Variants in UTRN observed in about 807,000 individuals in gnomAD.
UTRN encodes the protein dystrophin-related protein 1.
A neutral mutation model predicts 463.9 loss-of-function variants in UTRN; 283 were observed. The observed-to-expected ratio is 0.61, with a 90% CI of 0.55 to 0.67. The LOEUF is 0.67. Among genes scored for constraint, UTRN ranks in the 30% least tolerant of loss-of-function variants. The pLI is 0.00. For synonymous variants in UTRN, 1,442 were observed against 1,431.5 expected, an observed-to-expected ratio of 1.01 and a Z score of -0.17; for missense variants, 3,922 against 4,084.3, an observed-to-expected ratio of 0.96 and a Z score of 1.08.
At chr6:144,748,823 T>C (rs1419800098) in intron 55 of UTRN, among the ~76,000 whole-genome samples, 1 of 152,234 alleles carries the variant, frequency 6.6e-6, no homozygotes, top group Non-Finnish European at 1.5e-5. Flanking sequence ...AAAATATTTT[T>C]AATCCCCAGA....
chr6:144,492,763 C>T (rs1043476451), intron 32 of UTRN, among the ~76,000 whole-genome samples: 3 of 152,092 alleles, frequency 2.0e-5, no homozygotes, highest in Admixed American at 6.6e-5. Flanking sequence ...CATCAGAAAT[C>T]TGTTTACTTA....
At chr6:144,421,129 C>T (rs1784798657) in intron 3 of UTRN, among the ~76,000 whole-genome samples, 1 of 152,100 alleles carries the variant, frequency 6.6e-6, no homozygotes. Flanking sequence ...GCCTCAGCCT[C>T]CCGAGTAGTT....
chr6:144,516,490 T>G, intron 38 of UTRN, 103 bp downstream of exon 38: 1 of 1,291,358 alleles, frequency 7.7e-7, no homozygotes, highest in Admixed American at 2.3e-5. Flanking sequence ...TCAAACATGA[T>G]GAAACAGATT....
chr6:144,516,506 G>T, intron 38 of UTRN, 119 bp downstream of exon 38: 5 of 1,196,494 alleles, frequency 4.2e-6, no homozygotes, highest in Non-Finnish European at 5.8e-6. Context: ...AGATTCAAAT[G>T]TGATTTTTTG....
At chr6:144,488,276 GA>G (rs983380991) in intron 29 of UTRN, among the ~76,000 whole-genome samples, 1 of 151,888 alleles carries the variant, frequency 6.6e-6, no homozygotes, top group Non-Finnish European at 1.5e-5. Flanking sequence ...TTAGGCTTTG[GA>G]AAAAAAGAGA....
At chr6:144,287,549 G>A (rs1012154728) in intron 1 of UTRN, among the ~76,000 whole-genome samples, 4 of 151,832 alleles carry the variant, frequency 2.6e-5, no homozygotes, top group African/African-American at 9.7e-5. Context: ...CACACTGTTG[G>A]ATATATATGT....
chr6:144,828,986 T>C, intron 69 of UTRN, 131 bp downstream of exon 69: 1 of 966,992 alleles, frequency 1.0e-6, no homozygotes, highest in Non-Finnish European at 1.6e-6. Flanking sequence ...TTCCAAAAAT[T>C]TCTACGTAGA....
chr6:144,289,405 T>G (rs1182342056), intron 1 of UTRN, among the ~76,000 whole-genome samples: 1 of 152,230 alleles, frequency 6.6e-6, no homozygotes, highest in Admixed American at 6.5e-5. Context: ...ACTTGTTTCC[T>G]GCATATAATA....
intron 68 of UTRN, 123 bp from the exon 69 acceptor site, chr6:144,828,664 TAGG>T: frequency 2.2e-6 from 2 of 923,034 alleles, no homozygotes; most frequent in Non-Finnish European, 3.4e-6. Context: ...ACAGTCGTGT[TAGG>T]AGATTTGGAT....
intron 2 of UTRN, among the ~76,000 whole-genome samples, chr6:144,315,901 G>C (rs952250743): frequency 6.6e-6 from 1 of 152,216 alleles, no homozygotes; most frequent in African/African-American, 2.4e-5. Context: ...TCATGGCGCT[G>C]TGAACTGCTG....
At chr6:144,339,483 T>C (rs1776976506) in intron 2 of UTRN, among the ~76,000 whole-genome samples, 1 of 152,224 alleles carries the variant, frequency 6.6e-6, no homozygotes, top group Admixed American at 6.5e-5. Flanking sequence ...TTCATCATTG[T>C]ACTCTGGTTA....
At chr6:144,420,222 C>T (rs569565395) in intron 3 of UTRN, among the ~76,000 whole-genome samples, 2 of 152,066 alleles carry the variant, frequency 1.3e-5, no homozygotes, top group Non-Finnish European at 2.9e-5. Context: ...GACTGTTCAT[C>T]TCTGTGGAGA....
At chr6:144,755,264 G>A (rs755577306) in intron 57 of UTRN, among the ~76,000 whole-genome samples, 7 of 152,104 alleles carry the variant, frequency 4.6e-5, no homozygotes, top group African/African-American at 1.7e-4. Context: ...GGCTCGCTGC[G>A]ATTATATTTA....
intron 2 of UTRN, among the ~76,000 whole-genome samples, chr6:144,376,184 G>A (rs1206978705): frequency 6.6e-6 from 1 of 151,924 alleles, no homozygotes; most frequent in Non-Finnish European, 1.5e-5. Context: ...GGGTCGGGCC[G>A]GGTGGCTCAC....
At chr6:144,327,596 AATT>A (rs896791832) in intron 2 of UTRN, among the ~76,000 whole-genome samples, 7 of 152,210 alleles carry the variant, frequency 4.6e-5, no homozygotes, top group African/African-American at 1.7e-4. Context: ...GTAAGGTGTT[AATT>A]ATAACTCTTT....
At position 144,491,019 on chromosome 6, in the gene UTRN, G is replaced by C; in HGVS notation, c.4354G>C (p.Asp1452His). Residue 1452 changes from aspartate (D) to histidine (H), a missense_variant, in exon 32 of 75, where the codon GAT (aspartate) becomes CAT (histidine). Coordinates refer to ENST00000367545, the MANE Select transcript of UTRN (RefSeq NM_007124.3). ...CATGCTGGACTGCAAGCGTGTGCTG[G>C]ATGGCGTGAAAGCAGAACTTCACGT... ...QRMLDCKRVL[D>H]GVKAELHVLD... 6.2e-7 allele frequency: 1 copy of C among 1,614,108 alleles called. No individual in the cohort carries two copies. Among genetic ancestry groups the C allele is most frequent in the Non-Finnish European group, 8.5e-7 (1 of 1,180,000 alleles).
intron 38 of UTRN, 142 bp from the exon 39 acceptor site, chr6:144,516,669 C>A (rs1360276534): frequency 3.0e-6 from 2 of 675,940 alleles, no homozygotes; most frequent in Non-Finnish European, 4.3e-6. Flanking sequence ...TTAAAAAAAA[C>A]ATAAATTTTT....
chr6:144,402,282 A>G (rs1782999069), intron 2 of UTRN, among the ~76,000 whole-genome samples: 1 of 152,196 alleles, frequency 6.6e-6, no homozygotes, highest in Non-Finnish European at 1.5e-5. Flanking sequence ...CATTTTACAG[A>G]TGAGAACTGT....
At chr6:144,715,170 C>T (rs1246063329) in intron 53 of UTRN, among the ~76,000 whole-genome samples, 1 of 152,076 alleles carries the variant, frequency 6.6e-6, no homozygotes, top group Non-Finnish European at 1.5e-5. Context: ...TGAATTGGCC[C>T]CTATAACATG....
Sources: allele counts gnomAD v4.1 joint callset (sites outside exome capture counted in the v4.1 genomes callset), GRCh38; gene constraint gnomAD v4.1.1; transcripts MANE v1.5; gene names NCBI Gene and HGNC (gene_info 2026-07-23, HGNC 2026-07-21).